FMN2: variants seen among roughly 807,000 people sequenced by gnomAD.
FMN2 encodes the protein formin-2.
A neutral mutation model predicts 142.3 loss-of-function variants in FMN2; 51 were observed. The observed-to-expected ratio is 0.36, with a 90% confidence interval of 0.29 to 0.45. The LOEUF (loss-of-function observed/expected upper bound fraction) is 0.45. FMN2 is among the 20% of genes least tolerant of loss of function. The pLI is 1.00. For missense variants in FMN2, 1,936 were observed against 2,122.8 expected (o/e 0.91, Z 1.73); for synonymous variants, 882 against 869.8 (o/e 1.01, Z -0.25).
At chr1:240,359,177 C>G (rs1672380245) in intron 14 of FMN2, among the ~76,000 whole-genome samples, 1 of 151,992 alleles carries the variant, frequency 6.6e-6, no homozygotes, top group East Asian at 1.9e-4. Flanking sequence ...TCCTTTGCCC[C>G]CATGTTTCTT....
intron 4 of FMN2, among the ~76,000 whole-genome samples, chr1:240,198,248 A>ATTG (rs1665989347): frequency 6.6e-6 from 1 of 152,156 alleles, no homozygotes; most frequent in African/African-American, 2.4e-5. Flanking sequence ...AGGAACCAAA[A>ATTG]AGGCTGGTTC....
intron 13 of FMN2, among the ~76,000 whole-genome samples, chr1:240,345,846 A>G (rs1172990103): frequency 6.6e-6 from 1 of 152,184 alleles, no homozygotes; most frequent in Non-Finnish European, 1.5e-5. Context: ...CCCTAGATAT[A>G]TACTCCAGTG....
At chr1:240,244,095 T>G (rs1167506343) in intron 6 of FMN2, among the ~76,000 whole-genome samples, 1 of 152,226 alleles carries the variant, frequency 6.6e-6, no homozygotes, top group Non-Finnish European at 1.5e-5. Context: ...TGAGTAATCT[T>G]ATCTTTTTCT....
intron 14 of FMN2, among the ~76,000 whole-genome samples, chr1:240,365,199 G>A (rs1385537412): frequency 1.5e-5 from 2 of 137,916 alleles, no homozygotes; most frequent in Non-Finnish European, 3.0e-5. Context: ...ACATACATAT[G>A]TGTGTGTATA....
chr1:240,119,652 G>C (rs1662158541), intron 1 of FMN2, among the ~76,000 whole-genome samples: 1 of 152,170 alleles, frequency 6.6e-6, no homozygotes, highest in Non-Finnish European at 1.5e-5. Flanking sequence ...GTGATGATAG[G>C]GTTGTGGTAC....
At chr1:240,331,299 C>G (rs1671373471) in intron 11 of FMN2, among the ~76,000 whole-genome samples, 1 of 151,902 alleles carries the variant, frequency 6.6e-6, no homozygotes, top group Non-Finnish European at 1.5e-5. Flanking sequence ...TCTTGCAGAC[C>G]TAATCATTTT....
At chr1:240,124,917 C>T (rs1483069270) in intron 2 of FMN2, among the ~76,000 whole-genome samples, 2 of 152,148 alleles carry the variant, frequency 1.3e-5, no homozygotes, top group African/African-American at 4.8e-5. Flanking sequence ...CCACCCGCCC[C>T]GGCCTCCCAA....
chr1:240,359,710 A>G (rs1341677148), intron 14 of FMN2, among the ~76,000 whole-genome samples: 1 of 152,224 alleles, frequency 6.6e-6, no homozygotes, highest in Admixed American at 6.5e-5. Context: ...CCCTACTGTC[A>G]TAAGGCATTC....
At chr1:240,247,358 T>C (rs1049226512) in intron 6 of FMN2, among the ~76,000 whole-genome samples, 3 of 151,998 alleles carry the variant, frequency 2.0e-5, no homozygotes, top group African/African-American at 7.2e-5. Flanking sequence ...CAAAATTGGC[T>C]GGGCATGGTC....
At chr1:240,384,688 C>T (rs1053692196) in intron 14 of FMN2, among the ~76,000 whole-genome samples, 1 of 152,142 alleles carries the variant, frequency 6.6e-6, no homozygotes, top group Admixed American at 6.6e-5. Flanking sequence ...GTACTCATAA[C>T]TAATTTGCCA....
chr1:240,313,690 G>C (rs1030065365), intron 8 of FMN2, among the ~76,000 whole-genome samples: 3 of 151,982 alleles, frequency 2.0e-5, no homozygotes, highest in Admixed American at 6.6e-5. Context: ...TATACTGCCC[G>C]GGCACGGTGG....
chr1:240,443,825 C>A (rs1181519058), intron 16 of FMN2, among the ~76,000 whole-genome samples: 1 of 152,076 alleles, frequency 6.6e-6, no homozygotes, highest in East Asian at 1.9e-4. Context: ...ATTTATTCTA[C>A]CAAGCATCTC....
At chr1:240,203,628 T>TG (rs1356585555) in intron 4 of FMN2, among the ~76,000 whole-genome samples, 2 of 151,656 alleles carry the variant, frequency 1.3e-5, no homozygotes, top group Non-Finnish European at 2.9e-5. Context: ...TAGACACAGG[T>TG]GGGGAACAAG....
intron 6 of FMN2, among the ~76,000 whole-genome samples, chr1:240,221,616 G>A (rs1667116840): frequency 6.6e-6 from 1 of 151,892 alleles, no homozygotes; most frequent in Non-Finnish European, 1.5e-5. Context: ...GTAGATTCTG[G>A]TAGATTCTGG....
rs56686860 is a variant in FMN2, at chr1:240,271,098, G to GTTTTTTTTTTTTTTTTTTTTTTTTTTTT, written c.4153+13085_4153+13086insTTTTTTTTTTTTTTTTTTTTTTTTTTTT. 1.1e-3 allele frequency among the ~76,000 whole-genome samples: 79 copies of GTTTTTTTTTTTTTTTTTTTTTTTTTTTT among 72,222 alleles called. 10 individuals are homozygous for GTTTTTTTTTTTTTTTTTTTTTTTTTTTT. The highest frequency in any genetic ancestry group is 1.7e-3 in the African/African-American group (26 of 15,102). The allele number at this position is 72,222 out of a possible 152,430, so 47.4% of individuals were successfully genotyped here. ...ACCCCCCTAGGAACTTTCCACGATG[G>GTTTTTTTTTTTTTTTTTTTTTTTTTTTT]TTTTTTTTTTTTTTTTTTTGTGACT... On this transcript the variant is annotated intron_variant, in intron 7 of 17. Coordinates refer to ENST00000319653, the MANE Select transcript of FMN2 (RefSeq NM_020066.5).
chr1:240,436,473 T>C (rs1262527794), intron 15 of FMN2, among the ~76,000 whole-genome samples: 1 of 152,160 alleles, frequency 6.6e-6, no homozygotes, highest in African/African-American at 2.4e-5. Context: ...GTGAATGCTC[T>C]GACTCTTTTA....
At chr1:240,094,947 T>G (rs1661146156) in intron 1 of FMN2, among the ~76,000 whole-genome samples, 1 of 152,220 alleles carries the variant, frequency 6.6e-6, no homozygotes, top group Non-Finnish European at 1.5e-5. Flanking sequence ...ATTTTGCCCT[T>G]ATAGGGTCTT....
intron 1 of FMN2, among the ~76,000 whole-genome samples, chr1:240,095,386 TACACAC>T (rs59692947): frequency 2.0e-5 from 3 of 149,764 alleles, no homozygotes; most frequent in Non-Finnish European, 3.0e-5. Flanking sequence ...TATATGTGCA[TACACAC>T]ACACACACAC....
At chr1:240,199,850 C>T (rs1666062001) in intron 4 of FMN2, among the ~76,000 whole-genome samples, 3 of 152,160 alleles carry the variant, frequency 2.0e-5, no homozygotes, top group African/African-American at 4.8e-5. Context: ...TATATAGGTT[C>T]TGTACAAAAT....
Sources: gnomAD v4.1 joint callset for allele counts (sites outside exome capture counted in the v4.1 genomes callset) on GRCh38, gnomAD v4.1.1 for gene constraint, MANE v1.5 for transcripts, NCBI Gene and HGNC (gene_info 2026-07-23, HGNC 2026-07-21) for gene names.